ABTB3: variants seen among roughly 807,000 people sequenced by gnomAD.
The protein encoded by ABTB3 is ankyrin repeat- and BTB/POZ domain-containing protein 3.
chr12:107,642,128 G>A, the ABTB3 span: 1 of 1,614,008 alleles, frequency 6.2e-7, no homozygotes. Flanking sequence ...ACAAATGATG[G>A]CACCTGCATA....
chr12:107,635,851 C>G, the ABTB3 span, among the ~76,000 whole-genome samples: 1 of 1,212 alleles, frequency 8.3e-4, no homozygotes, highest in African/African-American at 4.7e-3. Flanking sequence ...GGAGGAACAA[C>G]CCCCCCCCCC....
chr12:107,394,953 G>T, the ABTB3 span, among the ~76,000 whole-genome samples: 1 of 152,208 alleles, frequency 6.6e-6, no homozygotes, highest in African/African-American at 2.4e-5. Context: ...CAGGGTCCTT[G>T]TTCTCACTTG....
At chr12:107,510,922 C>CA in the ABTB3 span, among the ~76,000 whole-genome samples, 15 of 148,250 alleles carry the variant, frequency 1.0e-4, no homozygotes, top group South Asian at 2.2e-4. Flanking sequence ...ATACTGTCTC[C>CA]AAAAAAAAAG....
chr12:107,566,626 A>G, the ABTB3 span, among the ~76,000 whole-genome samples: 3 of 150,748 alleles, frequency 2.0e-5, no homozygotes, highest in African/African-American at 7.3e-5. Context: ...GGCATGATGT[A>G]GCTTTCATCA....
the ABTB3 span, among the ~76,000 whole-genome samples, chr12:107,645,889 T>C: frequency 9.9e-5 from 15 of 152,178 alleles, no homozygotes; most frequent in African/African-American, 3.6e-4. Flanking sequence ...ACCCGGGGAC[T>C]TTTCCGTGTG....
At chr12:107,574,876 A>G in the ABTB3 span, among the ~76,000 whole-genome samples, 4 of 152,212 alleles carry the variant, frequency 2.6e-5, no homozygotes, top group Non-Finnish European at 1.5e-5. Context: ...CTCCCACTCC[A>G]GGCCATCTGC....
chr12:107,482,972 CTTTCTTTCTTTCT>C, the ABTB3 span, among the ~76,000 whole-genome samples: 6 of 59,164 alleles, frequency 1.0e-4, no homozygotes, highest in African/African-American at 2.7e-4. Context: ...TTCTTTCTTT[CTTTCTTTCTTTCT>C]TTCCTTCCTT....
At chr12:107,480,735 G>T in the ABTB3 span, among the ~76,000 whole-genome samples, 1 of 152,162 alleles carries the variant, frequency 6.6e-6, no homozygotes, top group African/African-American at 2.4e-5. Flanking sequence ...CTGTGAGCAT[G>T]TGCACAAATG....
chr12:107,616,022 A>G, the ABTB3 span, among the ~76,000 whole-genome samples: 57 of 152,080 alleles, frequency 3.7e-4, no homozygotes, highest in African/African-American at 1.3e-3. Context: ...TTCCTGGGTC[A>G]TGAGAATCCT....
the ABTB3 span, among the ~76,000 whole-genome samples, chr12:107,468,898 C>T: frequency 6.6e-6 from 1 of 152,134 alleles, no homozygotes; most frequent in Non-Finnish European, 1.5e-5. Context: ...TGAAGGCTCA[C>T]ATCCGGGTCA....
At chr12:107,320,588 G>C in the ABTB3 span, 1 of 455,994 alleles carries the variant, frequency 2.2e-6, no homozygotes, top group African/African-American at 2.0e-5. Context: ...CCTGGCGGCC[G>C]TACCGGCTGA....
chr12:107,578,400 T>C, the ABTB3 span, among the ~76,000 whole-genome samples: 3 of 140,046 alleles, frequency 2.1e-5, no homozygotes, highest in African/African-American at 8.0e-5. Context: ...TTTTTTTTTT[T>C]TTTTTTTTTT....
At chr12:107,503,358 C>G in the ABTB3 span, among the ~76,000 whole-genome samples, 1 of 152,010 alleles carries the variant, frequency 6.6e-6, no homozygotes, top group Non-Finnish European at 1.5e-5. Context: ...TGCTTGCTGG[C>G]AGGTTGTTTA....
chr12:107,332,408 T>A, the ABTB3 span, among the ~76,000 whole-genome samples: 2 of 152,248 alleles, frequency 1.3e-5, no homozygotes, highest in East Asian at 1.9e-4. Flanking sequence ...CATCTCTGTT[T>A]TACAGATGAG....
At chr12:107,606,309 A>T in the ABTB3 span, among the ~76,000 whole-genome samples, 2 of 152,244 alleles carry the variant, frequency 1.3e-5, no homozygotes, top group African/African-American at 4.8e-5. Context: ...AGAATTCAGT[A>T]AATGTCAGCT....
chr12:107,368,467 A>G, the ABTB3 span, among the ~76,000 whole-genome samples: 1 of 152,220 alleles, frequency 6.6e-6, no homozygotes, highest in African/African-American at 2.4e-5. Flanking sequence ...GGCACCCATC[A>G]TATTTTGTGT....
chr12:107,343,512 T>C, the ABTB3 span, among the ~76,000 whole-genome samples: 2 of 152,204 alleles, frequency 1.3e-5, no homozygotes, highest in African/African-American at 4.8e-5. Flanking sequence ...GATGCCACAA[T>C]GTGTTTGACT....
the ABTB3 span, among the ~76,000 whole-genome samples, chr12:107,543,652 G>A: frequency 1.1e-4 from 16 of 152,120 alleles, no homozygotes; most frequent in South Asian, 3.3e-3. Flanking sequence ...GGACGCAAAG[G>A]GCTTCCTGAG....
the ABTB3 span, among the ~76,000 whole-genome samples, chr12:107,511,998 G>C: frequency 6.6e-6 from 1 of 152,278 alleles, no homozygotes; most frequent in Non-Finnish European, 1.5e-5. Flanking sequence ...AGAGGACTTT[G>C]AGGGCTCTGA....
Sources: gnomAD v4.1 joint callset for allele counts (sites outside exome capture counted in the v4.1 genomes callset) on GRCh38, gnomAD v4.1.1 for gene constraint, MANE v1.5 for transcripts, NCBI Gene and HGNC (gene_info 2026-07-23, HGNC 2026-07-21) for gene names.